The following ZNF385D variants were observed in gnomAD, a reference collection of about 807,000 sequenced individuals.
The protein encoded by ZNF385D is zinc finger protein 659.
Under a neutral mutation model 35.8 loss-of-function variants are expected in ZNF385D, and 15 were observed. The observed-to-expected ratio is 0.42, with a 90% CI of 0.28 to 0.64. The LOEUF is 0.64. Ranked by LOEUF, ZNF385D falls within the 30% of genes least tolerant of loss-of-function variation. The pLI, the probability that ZNF385D is intolerant of heterozygous loss-of-function variation, is 0.23. For synonymous variants in ZNF385D, 212 were observed against 186.8 expected (o/e 1.13, Z -1.10); for missense variants, 474 against 494.6 (o/e 0.96, Z 0.39).
At chr3:21,498,389 T>C (rs972065816) in intron 4 of ZNF385D, among the ~76,000 whole-genome samples, 1 of 152,140 alleles carries the variant, frequency 6.6e-6, no homozygotes, top group East Asian at 1.9e-4. Context: ...AGAGCTTCTG[T>C]ATAGCAAAAG....
intron 3 of ZNF385D, among the ~76,000 whole-genome samples, chr3:21,558,989 CTTT>C (rs55997613): frequency 3.1e-5 from 4 of 128,810 alleles, no homozygotes; most frequent in Non-Finnish European, 4.8e-5. Context: ...GCAACCCCTG[CTTT>C]TTTTTTTTTT....
intron 3 of ZNF385D, among the ~76,000 whole-genome samples, chr3:21,992,354 C>T (rs186644864): frequency 3.3e-5 from 5 of 151,950 alleles, no homozygotes; most frequent in African/African-American, 9.7e-5. Flanking sequence ...CTATGTTAAA[C>T]AAGATAGAAG....
intron 2 of ZNF385D, among the ~76,000 whole-genome samples, chr3:21,644,521 G>A (rs531797586): frequency 6.6e-5 from 10 of 152,208 alleles, no homozygotes; most frequent in East Asian, 5.8e-4. Context: ...GAAAACACAC[G>A]CAGACATGGG....
At chr3:21,543,424 T>G (rs1384426654) in intron 3 of ZNF385D, among the ~76,000 whole-genome samples, 1 of 152,112 alleles carries the variant, frequency 6.6e-6, no homozygotes, top group East Asian at 1.9e-4. Context: ...CTTTTCACGG[T>G]CTTTTCCTTT....
intron 2 of ZNF385D, among the ~76,000 whole-genome samples, chr3:22,296,408 G>T (rs550078833): frequency 3.9e-5 from 6 of 152,200 alleles, no homozygotes; most frequent in African/African-American, 1.4e-4. Flanking sequence ...TTTCAGCTGG[G>T]TTCTCCAGGA....
At chr3:21,697,452 C>T (rs558804868) in intron 1 of ZNF385D, among the ~76,000 whole-genome samples, 13 of 152,074 alleles carry the variant, frequency 8.5e-5, no homozygotes, top group Admixed American at 2.0e-4. Flanking sequence ...ATTAGTAAAA[C>T]GAATAAAAGT....
At chr3:21,727,389 C>A (rs776389566) in intron 1 of ZNF385D, among the ~76,000 whole-genome samples, 15 of 152,086 alleles carry the variant, frequency 9.9e-5, no homozygotes, top group African/African-American at 1.4e-4. Flanking sequence ...AACAGGCAAC[C>A]TACAGAATGG....
intron 2 of ZNF385D, among the ~76,000 whole-genome samples, chr3:22,360,771 G>T (rs959824679): frequency 1.3e-5 from 2 of 151,876 alleles, no homozygotes; most frequent in Non-Finnish European, 2.9e-5. Context: ...AAGAAACAAC[G>T]CTTCAACTTT....
intron 3 of ZNF385D, among the ~76,000 whole-genome samples, chr3:21,552,774 T>A (rs2062611073): frequency 6.6e-6 from 1 of 152,262 alleles, no homozygotes; most frequent in South Asian, 2.1e-4. Flanking sequence ...AATGGCTTCC[T>A]AATGCTGTTT....
At chr3:22,095,809 A>T (rs895447281) in intron 3 of ZNF385D, among the ~76,000 whole-genome samples, 3 of 146,856 alleles carry the variant, frequency 2.0e-5, no homozygotes, top group African/African-American at 5.1e-5. Flanking sequence ...CTATAAATCA[A>T]TTTTTTAAAA....
At chr3:22,019,034 CTTTTTT>C (rs11380195) in intron 3 of ZNF385D, among the ~76,000 whole-genome samples, 56 of 64,460 alleles carry the variant, frequency 8.7e-4, no homozygotes, top group African/African-American at 3.5e-3. Flanking sequence ...AGTTATTTAC[CTTTTTT>C]TTTTTTTTTT....
intron 2 of ZNF385D, among the ~76,000 whole-genome samples, chr3:22,301,274 G>A (rs1487509138): frequency 6.6e-6 from 1 of 151,984 alleles, no homozygotes; most frequent in African/African-American, 2.4e-5. Context: ...TACAAGGATT[G>A]GAGTTTGGGG....
At chr3:22,107,021 TGA>T (rs1056434649) in intron 3 of ZNF385D, among the ~76,000 whole-genome samples, 1 of 120,324 alleles carries the variant, frequency 8.3e-6, no homozygotes, top group Non-Finnish European at 1.7e-5. Flanking sequence ...AACTTTGGAA[TGA>T]GAGTTTTTTT....
chr3:22,180,307 C>G (rs905932152), intron 2 of ZNF385D, among the ~76,000 whole-genome samples: 8 of 152,116 alleles, frequency 5.3e-5, no homozygotes, highest in African/African-American at 1.9e-4. Flanking sequence ...GCTTACTAAC[C>G]AAACATGTAC....
chr3:21,892,952 T>A (rs1213743775), intron 3 of ZNF385D, among the ~76,000 whole-genome samples: 1 of 152,200 alleles, frequency 6.6e-6, no homozygotes, highest in Non-Finnish European at 1.5e-5. Context: ...GGACAATTTC[T>A]ATTGCGTGTA....
chr3:21,853,256 C>T (rs2673515), intron 3 of ZNF385D, among the ~76,000 whole-genome samples: 127,626 of 151,764 alleles, frequency 0.84, 54,007 homozygotes, highest in African/African-American at 0.92. Context: ...TGCCTATAAT[C>T]ACTTTCCATA....
At chr3:22,103,823 A>C (rs959249971) in intron 3 of ZNF385D, among the ~76,000 whole-genome samples, 1 of 151,964 alleles carries the variant, frequency 6.6e-6, no homozygotes, top group African/African-American at 2.4e-5. Context: ...ACCATAGTTG[A>C]GGGGGGTGAC....
At chr3:22,280,219 T>C (rs1224296457) in intron 2 of ZNF385D, among the ~76,000 whole-genome samples, 1 of 152,136 alleles carries the variant, frequency 6.6e-6, no homozygotes, top group Non-Finnish European at 1.5e-5. Context: ...TCCCACTCTA[T>C]GGCTTGTCTG....
rs76441836 is a variant in ZNF385D, at chr3:21,437,811, A to G, written c.440-608T>C. Among the ~76,000 whole-genome samples, 417 of 152,050 alleles carry G rather than the reference A, an allele frequency of 2.7e-3. 1 individual carries two copies. The highest frequency in any genetic ancestry group is 9.2e-3 in the African/African-American group (383 of 41,506). ...AAAGAGTTACAATTCAACACAAGGT[A>G]CAAAAATCATCAATATTAAAAGAAG... On this transcript the variant is annotated intron_variant, in intron 4 of 7. Transcript: ENST00000281523.
Sources: gnomAD v4.1 joint callset for allele counts (sites outside exome capture counted in the v4.1 genomes callset) on GRCh38, gnomAD v4.1.1 for gene constraint, MANE v1.5 for transcripts, NCBI Gene and HGNC (gene_info 2026-07-23, HGNC 2026-07-21) for gene names.